TAF11L13: variants seen among roughly 807,000 people sequenced by gnomAD.
TAF11L13 encodes TATA-box-binding protein-associated factor 11-like protein 13.
exon 1 of TAF11L13, chr5:17,632,315 G>A (rs1243851456): frequency 5.0e-6 from 2 of 397,914 alleles, no homozygotes; most frequent in Non-Finnish European, 4.4e-6. Context: ...AAACACATAC[G>A]AAACGCAAGA....
exon 1 of TAF11L13, chr5:17,632,639 C>G: frequency 2.5e-6 from 1 of 398,486 alleles, no homozygotes. Flanking sequence ...GGTTAAAGCC[C>G]AAGGGCCTCT....
chr5:17,632,455 C>A (rs1186255826), exon 1 of TAF11L13: 2 of 398,422 alleles, frequency 5.0e-6, no homozygotes, highest in Non-Finnish European at 8.9e-6. Flanking sequence ...GCACGCATTG[C>A]GGGTCTGATG....
chr5:17,632,488 T>G (rs1739711289), exon 1 of TAF11L13: 1 of 398,422 alleles, frequency 2.5e-6, no homozygotes, highest in African/African-American at 2.1e-5. Flanking sequence ...GGCAGTTCGG[T>G]GTCTGAGAAC....
rs540207109 is a variant in TAF11L13 at position 17,632,440 on chromosome 5, C to T, written c.353C>T (p.Pro118Leu). The change falls in exon 1 of 1, where the codon CCA becomes CTA. Residue 118 changes from proline (P) to leucine (L), a missense_variant. By Grantham distance (98) the Pro-to-Leu change is moderately conservative. Coordinates refer to ENST00000639073, the Ensembl canonical transcript of TAF11L13. ...GAAGTGTGTCGCCGGTCAGCTTTCC[C>T]AAGAGCACGCATTGCGGGTCTGATG... 3.1e-4 allele frequency: 125 copies of T among 398,558 alleles called. 3 individuals are homozygous for T. Among genetic ancestry groups the T allele is most frequent in the African/African-American group, 2.3e-3 (112 of 48,612 alleles). The allele number at this position is 398,558 out of a possible 1,614,324, so 24.7% of individuals were successfully genotyped here. A position where few individuals can be genotyped will look rare whatever the true frequency, so the allele number is the denominator to read the frequency against.
chr5:17,632,373 A>G (rs1470564888), exon 1 of TAF11L13: 1 of 398,178 alleles, frequency 2.5e-6, no homozygotes, highest in Non-Finnish European at 4.4e-6. Context: ...GAGGATGACA[A>G]CCCTGCTGTC....
rs1467742537 is a variant in TAF11L13, at chr5:17,632,446, C to A, written c.359C>A (p.Ala120Glu). The A allele has an allele frequency of 1.5e-5, 6 of 398,484 alleles. 1 individual carries two copies. The highest frequency in any genetic ancestry group is 2.1e-5 in the African/African-American group (1 of 48,492). The allele number at this position is 398,484 out of a possible 1,614,324, so 24.7% of individuals were successfully genotyped here. A position where few individuals can be genotyped will look rare whatever the true frequency, so the allele number is the denominator to read the frequency against. The stretch of plus-strand genomic sequence containing the variant: ...TGTCGCCGGTCAGCTTTCCCAAGAG[C>A]ACGCATTGCGGGTCTGATGCGGTCT... Residue 120 changes from alanine to glutamate, a missense_variant, in exon 1 of 1, where the codon GCA becomes GAA. Transcript: ENST00000639073.
In TAF11L13 at chr5:17,632,485, C is replaced by T. The variant is rs558860597; in HGVS notation, c.398C>T (p.Ser133Leu). The T allele has an allele frequency of 7.5e-6, 3 of 398,408 alleles. 1 individual carries two copies. Among genetic ancestry groups the T allele is most frequent in the East Asian group, 3.6e-5 (1 of 28,080 alleles). The allele number at this position is 398,408 out of a possible 1,614,324, so 24.7% of individuals were successfully genotyped here. A position where few individuals can be genotyped will look rare whatever the true frequency, so the allele number is the denominator to read the frequency against. ...CTGATGCGGTCTATCACTGGCAGTT[C>T]GGTGTCTGAGAACGCGGCCATTGCC... The change falls in exon 1 of 1, where the codon TCG becomes TTG. Residue 133 changes from serine (S) to leucine (L), a missense_variant. Ser to Leu is a moderately radical substitution (Grantham distance 145). Coordinates refer to ENST00000639073, the Ensembl canonical transcript of TAF11L13.
Position 17,632,469 on chromosome 5 carries a change from T to G in TAF11L13, c.382T>G (p.Ser128Ala), listed in dbSNP as rs563003287. The G allele has an allele frequency of 3.2e-4, 127 of 398,534 alleles. 3 individuals are homozygous for G. The highest frequency in any genetic ancestry group is 1.6e-3 in the African/African-American group (80 of 48,586). 24.7% of individuals were successfully genotyped at this position (398,534 alleles called of 1,614,324 possible). The change falls in exon 1 of 1, where the codon TCT becomes GCT. Residue 128 changes from serine to alanine, a missense_variant. Physicochemically the swap from Ser to Ala is moderately conservative, Grantham distance 99. Transcript: ENST00000639073. ...AGCACGCATTGCGGGTCTGATGCGG[T>G]CTATCACTGGCAGTTCGGTGTCTGA...
chr5:17,632,663 C>T (rs1739717309), exon 1 of TAF11L13: 1 of 398,440 alleles, frequency 2.5e-6, no homozygotes, highest in Non-Finnish European at 4.4e-6. Context: ...CCAACAGCAA[C>T]TACAAAAGAG....
At chr5:17,632,510 C>G (rs1739711730) in exon 1 of TAF11L13, 1 of 398,444 alleles carries the variant, frequency 2.5e-6, no homozygotes, top group Admixed American at 4.4e-5. Context: ...CGGCCATTGC[C>G]ATGGCTGGAA....
exon 1 of TAF11L13, chr5:17,632,419 T>G: frequency 2.5e-6 from 1 of 398,392 alleles, no homozygotes; most frequent in Non-Finnish European, 4.4e-6. Context: ...CGCTACGAAG[T>G]GTGTCGCCGG....
At chr5:17,632,382 T>G in exon 1 of TAF11L13, 1 of 398,396 alleles carries the variant, frequency 2.5e-6, no homozygotes. Context: ...AACCCTGCTG[T>G]CTGCCATGTC....
exon 1 of TAF11L13, chr5:17,632,275 C>T: frequency 2.5e-6 from 1 of 397,816 alleles, no homozygotes; most frequent in East Asian, 3.6e-5. Context: ...GAGGCCTCAG[C>T]CTCAGCTCCT....
At chr5:17,632,626 A>G (rs574370143) in exon 1 of TAF11L13, 31 of 398,526 alleles carry the variant, frequency 7.8e-5, no homozygotes, top group Middle Eastern at 6.3e-4. Flanking sequence ...GAGGCTGTTC[A>G]CAGGTTAAAG....
chr5:17,632,127 C>T, exon 1 of TAF11L13: 1 of 397,356 alleles, frequency 2.5e-6, no homozygotes, highest in Non-Finnish European at 4.4e-6. Context: ...TGCTGAGATG[C>T]TCGCCATGCC....
At chr5:17,632,468 G>A (rs1168868707) in exon 1 of TAF11L13, 2 of 398,512 alleles carry the variant, frequency 5.0e-6, no homozygotes, top group South Asian at 1.3e-4. Context: ...GTCTGATGCG[G>A]TCTATCACTG....
Position 17,632,293 on chromosome 5 carries a change from C to G in TAF11L13, c.206C>G (p.Ala69Gly), listed in dbSNP as rs568744499. The G allele has an allele frequency of 4.6e-3, 1,828 of 397,786 alleles. 58 individuals carry two copies. The highest frequency in any genetic ancestry group is 0.034 in the African/African-American group (1,625 of 48,290). 24.6% of individuals were successfully genotyped at this position (397,786 alleles called of 1,614,324 possible). Residue 69 changes from alanine to glycine, a missense_variant, in exon 1 of 1, where the codon GCC becomes GGC. Coordinates refer to ENST00000639073, the Ensembl canonical transcript of TAF11L13. ...GCCTCAGCCTCAGCTCCTCCTGCAG[C>G]CAAAAGACGGAAAACACATACGAAA...
chr5:17,632,413 A>G (rs904310794), exon 1 of TAF11L13: 3 of 398,318 alleles, frequency 7.5e-6, no homozygotes, highest in African/African-American at 2.1e-5. Flanking sequence ...CTGTCCCGCT[A>G]CGAAGTGTGT....
chr5:17,632,498 C>T lies in TAF11L13; in HGVS notation c.411C>T (p.Asn137=), dbSNP rs1043253252. Residue 137 remains asparagine (N), a synonymous_variant, in exon 1 of 1, where the codon AAC becomes AAT. Coordinates refer to ENST00000639073, the Ensembl canonical transcript of TAF11L13. ...TCACTGGCAGTTCGGTGTCTGAGAACGCGGCCATTGCCATGGCTGGAATAG... is the reference window on the plus strand; with the variant it reads ...TCACTGGCAGTTCGGTGTCTGAGAATGCGGCCATTGCCATGGCTGGAATAG... 2.6e-4 allele frequency: 105 copies of T among 398,564 alleles called. 2 individuals are homozygous for T. In the South Asian group the frequency reaches 3.7e-3, roughly 14 times the overall value. 24.7% of individuals were successfully genotyped at this position (398,564 alleles called of 1,614,324 possible).
Sources: allele counts gnomAD v4.1 joint callset, GRCh38; gene constraint gnomAD v4.1.1; transcripts MANE v1.5; gene names NCBI Gene and HGNC (gene_info 2026-07-23, HGNC 2026-07-21).